The following SRP54 variants were observed in gnomAD, a reference collection of about 807,000 sequenced individuals.
SRP54 encodes signal recognition particle subunit SRP54.
In SRP54, 10 loss-of-function variants were observed where a neutral mutation model predicts 64.8. The observed-to-expected ratio is 0.15, with a 90% confidence interval of 0.10 to 0.26. The LOEUF (loss-of-function observed/expected upper bound fraction) is 0.26, where lower values mean the gene tolerates loss of function less well. Ranked by LOEUF, SRP54 falls within the 10% of genes least tolerant of loss-of-function variation. SRP54 has a pLI of 1.00. For synonymous variants in SRP54, 193 were observed against 185.6 expected, an observed-to-expected ratio of 1.04 and a Z score of -0.32; for missense variants, 325 against 613.7, an observed-to-expected ratio of 0.53 and a Z score of 4.97.
chr14:35,023,130 T>A, intron 14 of SRP54, 50 bp downstream of exon 14: 1 of 1,476,496 alleles, frequency 6.8e-7, no homozygotes, highest in Non-Finnish European at 9.2e-7. Context: ...AGAAAGGAAG[T>A]TGAGAAAAAA....
chr14:35,021,896 A>G (rs893021344), intron 13 of SRP54, among the ~76,000 whole-genome samples: 1 of 152,240 alleles, frequency 6.6e-6, no homozygotes, highest in Admixed American at 6.5e-5. Flanking sequence ...CATTTTGACT[A>G]AAGTCCATCC....
At chr14:35,015,992 A>G (rs565152297) in intron 11 of SRP54, among the ~76,000 whole-genome samples, 2 of 152,270 alleles carry the variant, frequency 1.3e-5, no homozygotes, top group African/African-American at 4.8e-5. Flanking sequence ...TATCATTTAT[A>G]TTGTTGCCAG....
At chr14:34,996,284 A>G (rs967308446) in intron 1 of SRP54, among the ~76,000 whole-genome samples, 4 of 152,164 alleles carry the variant, frequency 2.6e-5, no homozygotes, top group African/African-American at 9.6e-5. Context: ...AATGTGGGAA[A>G]TTAGGCAGTA....
chr14:35,018,933 C>A, intron 12 of SRP54, 33 bp from the exon 13 acceptor site: 1 of 1,571,832 alleles, frequency 6.4e-7, no homozygotes, highest in Non-Finnish European at 8.8e-7. Flanking sequence ...TAATCTTAAG[C>A]TACTATTGAC....
chr14:35,018,524 C>T (rs1211143904), intron 11 of SRP54, 168 bp from the exon 12 acceptor site: 1 of 596,768 alleles, frequency 1.7e-6, no homozygotes, highest in East Asian at 2.9e-5. Context: ...GTATTCTCCC[C>T]AGCATTCATC....
chr14:35,013,548 A>G (rs983868882), intron 9 of SRP54, 54 bp downstream of exon 9: 52 of 1,538,086 alleles, frequency 3.4e-5, no homozygotes, highest in Non-Finnish European at 4.6e-5. Flanking sequence ...GGGGAAGGAT[A>G]TGTGTTTATA....
intron 14 of SRP54, among the ~76,000 whole-genome samples, chr14:35,026,340 A>G (rs932042145): frequency 2.0e-5 from 3 of 151,794 alleles, no homozygotes; most frequent in Admixed American, 6.6e-5. Flanking sequence ...CGATCCTCCA[A>G]TCTGAGGCCC....
intron 9 of SRP54, 72 bp downstream of exon 9, chr14:35,013,566 TA>T: frequency 6.8e-7 from 1 of 1,472,752 alleles, no homozygotes; most frequent in Non-Finnish European, 9.3e-7. Flanking sequence ...ATAGCTTTCA[TA>T]TTGATCATTT....
intron 1 of SRP54, among the ~76,000 whole-genome samples, chr14:34,995,135 GTGT>G (rs558797255): frequency 0.12 from 6,889 of 56,598 alleles, 443 homozygotes; most frequent in Middle Eastern, 0.19. Flanking sequence ...TCAATAAAGG[GTGT>G]GTGTGTGTGT....
chr14:34,998,108 G>C (rs2138977764), intron 2 of SRP54, among the ~76,000 whole-genome samples: 1 of 152,206 alleles, frequency 6.6e-6, no homozygotes, highest in East Asian at 1.9e-4. Context: ...CGTTTAATGA[G>C]GGATAGAGAA....
chr14:35,016,971 C>T (rs2044454171), intron 11 of SRP54, among the ~76,000 whole-genome samples: 1 of 151,922 alleles, frequency 6.6e-6, no homozygotes, highest in South Asian at 2.1e-4. Flanking sequence ...TCTCCTGCCT[C>T]AGCCTCCCCA....
chr14:35,028,245 G>A, intron 15 of SRP54, 62 bp downstream of exon 15: 1 of 1,022,838 alleles, frequency 9.8e-7, no homozygotes, highest in Non-Finnish European at 1.5e-6. Flanking sequence ...GAGTTTTAAT[G>A]ATAAGCCTTT....
At position 35,018,491 on chromosome 14, in the gene SRP54, T is replaced by C; in HGVS notation, c.974-201T>C. On this transcript the variant is annotated intron_variant, in intron 11 of 15. Coordinates refer to ENST00000216774, the MANE Select transcript of SRP54 (RefSeq NM_003136.4). The stretch of plus-strand genomic sequence containing the variant: ...CTCAGATAGAATGTAAGCTTCTCTA[T>C]GATAGGACCTGTCTTTGTCTATGTA... The C allele has an allele frequency of 7.8e-6, 4 of 514,616 alleles. No homozygotes were observed. In the South Asian group the frequency reaches 1.1e-4, roughly 14 times the overall value. 31.9% of individuals were successfully genotyped at this position (514,616 alleles called of 1,614,324 possible).
intron 7 of SRP54, among the ~76,000 whole-genome samples, chr14:35,011,080 C>G (rs1285737091): frequency 6.6e-6 from 1 of 151,930 alleles, no homozygotes; most frequent in Non-Finnish European, 1.5e-5. Context: ...GCATATTCCA[C>G]TATGCCAGCT....
At chr14:35,002,020 G>A (rs2044181222) in intron 4 of SRP54, among the ~76,000 whole-genome samples, 1 of 150,970 alleles carries the variant, frequency 6.6e-6, no homozygotes, top group African/African-American at 2.5e-5. Context: ...GGGCAACATA[G>A]TGAGAACCAG....
intron 14 of SRP54, among the ~76,000 whole-genome samples, chr14:35,026,623 T>C (rs2044630251): frequency 6.6e-6 from 1 of 152,196 alleles, no homozygotes; most frequent in Non-Finnish European, 1.5e-5. Flanking sequence ...TATTTGTCTT[T>C]GTATTCTCTG....
At chr14:35,000,133 A>T (rs1256965612) in intron 3 of SRP54, among the ~76,000 whole-genome samples, 1 of 152,192 alleles carries the variant, frequency 6.6e-6, no homozygotes, top group East Asian at 1.9e-4. Context: ...TGGGAGAGGC[A>T]CTGAGTTGGT....
chr14:34,997,359 A>C (rs2044086969), intron 2 of SRP54, among the ~76,000 whole-genome samples: 1 of 152,098 alleles, frequency 6.6e-6, no homozygotes, highest in Admixed American at 6.6e-5. Context: ...TCCCCCACAG[A>C]TTGTATCTTA....
At chr14:34,983,744 C>T (rs1473659669) in intron 1 of SRP54, among the ~76,000 whole-genome samples, 1 of 152,192 alleles carries the variant, frequency 6.6e-6, no homozygotes, top group Non-Finnish European at 1.5e-5. Flanking sequence ...TCACCTGATT[C>T]TTTCACATGC....
Sources: allele counts gnomAD v4.1 joint callset (sites outside exome capture counted in the v4.1 genomes callset), GRCh38; gene constraint gnomAD v4.1.1; transcripts MANE v1.5; gene names NCBI Gene and HGNC (gene_info 2026-07-23, HGNC 2026-07-21).